The following LAMA2 variants were observed in gnomAD, a reference collection of about 807,000 sequenced individuals.
LAMA2 encodes the protein laminin subunit alpha-2.
A neutral mutation model predicts 364.8 loss-of-function variants in LAMA2; 269 were observed. The observed-to-expected ratio is 0.74, with a 90% CI of 0.67 to 0.82. LAMA2 has a LOEUF of 0.82. Ranked by LOEUF, LAMA2 falls within the 40% of genes least tolerant of loss-of-function variation. The pLI is 0.00. For missense variants in LAMA2, 3,807 were observed against 3,873.2 expected (o/e 0.98, Z 0.45); for synonymous variants, 1,379 against 1,370.6 (o/e 1.01, Z -0.14).
chr6:129,466,765 A>G (rs1783564908), intron 51 of LAMA2, among the ~76,000 whole-genome samples: 1 of 151,910 alleles, frequency 6.6e-6, no homozygotes, highest in African/African-American at 2.4e-5. Flanking sequence ...GCCTACACGA[A>G]TGAATGTTGG....
Position 129,512,616 on chromosome 6 carries a change from TA to T in LAMA2, c.8988+126del, listed in dbSNP as rs1786690449. The T allele has an allele frequency of 1.5e-5, 16 of 1,080,424 alleles. No individual in the cohort carries two copies. The South Asian group carries it at 2.0e-4, about 14-fold the overall frequency. 66.9% of individuals were successfully genotyped at this position (1,080,424 alleles called of 1,614,324 possible). On this transcript the variant is annotated intron_variant, in intron 63 of 64. Transcript: ENST00000421865. The stretch of plus-strand genomic sequence containing the variant: ...GCTGTATTCTTTGTTGGGAGAAAGC[TA>T]AATTGTATGTTTTCATCCTTCTGGA...
At chr6:129,251,986 T>G in intron 13 of LAMA2, 98 bp from the exon 14 acceptor site, 1 of 733,634 alleles carries the variant, frequency 1.4e-6, no homozygotes, top group South Asian at 1.6e-5. Context: ...AAGTTAAAAG[T>G]CTATTGAGGG....
At chr6:129,362,277 A>G (rs932897612) in intron 32 of LAMA2, among the ~76,000 whole-genome samples, 3 of 152,140 alleles carry the variant, frequency 2.0e-5, no homozygotes, top group Non-Finnish European at 4.4e-5. Flanking sequence ...TGCCTCTGCA[A>G]TCACAAGATA....
intron 14 of LAMA2, among the ~76,000 whole-genome samples, chr6:129,259,768 G>T (rs1046522451): frequency 6.6e-6 from 1 of 151,812 alleles, no homozygotes; most frequent in Non-Finnish European, 1.5e-5. Context: ...TATCTCCATT[G>T]TATAGAAGAA....
chr6:128,934,111 G>T (rs573511374), intron 1 of LAMA2, among the ~76,000 whole-genome samples: 15 of 152,124 alleles, frequency 9.9e-5, no homozygotes, highest in Non-Finnish European at 1.9e-4. Context: ...GTTGATTTTT[G>T]TATATGGAAT....
At position 129,445,665 on chromosome 6, in the gene LAMA2, A is replaced by T. The variant is rs1782331450; in HGVS notation, c.6275-2A>T. On this transcript the variant is annotated splice_acceptor_variant, in intron 44 of 64. Transcript: ENST00000421865. LOFTEE classifies it high-confidence loss of function. ...CATGCACACTAATTTTGTTCTATGC[A>T]GTTGCCGATGCAGATGCCACTGTCA... 1 of 1,613,716 alleles carries T rather than the reference A, an allele frequency of 6.2e-7. No homozygotes were observed. The highest frequency in any genetic ancestry group is 1.7e-5 in the Admixed American group (1 of 60,002).
chr6:129,159,452 C>G (rs948788913), intron 8 of LAMA2, among the ~76,000 whole-genome samples: 1 of 152,228 alleles, frequency 6.6e-6, no homozygotes, highest in African/African-American at 2.4e-5. Context: ...GTGATGGAGG[C>G]GCCCCGGCCG....
intron 34 of LAMA2, among the ~76,000 whole-genome samples, chr6:129,379,263 G>A (rs771664354): frequency 6.6e-6 from 1 of 151,972 alleles, no homozygotes; most frequent in Admixed American, 6.6e-5. Flanking sequence ...TAACTTATGG[G>A]CACTGGGCTT....
rs578091244 is a variant in LAMA2 at position 129,376,364 on chromosome 6, T to C, written c.4959+6374T>C. The stretch of plus-strand genomic sequence containing the variant: ...CCCACTCTCATCCAATCTCATATTG[T>C]GTAGTTTGGGATTACCACATTTGTT... On this transcript the variant is annotated intron_variant, in intron 34 of 64. Transcript: ENST00000421865. Among the ~76,000 whole-genome samples the C allele has an allele frequency of 1.1e-4, 17 of 152,350 alleles. 1 individual carries two copies. In the South Asian group the frequency reaches 2.5e-3, roughly 22 times the overall value.
chr6:128,940,229 A>G (rs1039058754), intron 1 of LAMA2, among the ~76,000 whole-genome samples: 3 of 152,068 alleles, frequency 2.0e-5, no homozygotes, highest in Non-Finnish European at 2.9e-5. Context: ...CTGCAAGTCA[A>G]ATATTACTTC....
chr6:129,053,327 AG>A (rs1174117979), intron 2 of LAMA2, among the ~76,000 whole-genome samples: 1 of 152,070 alleles, frequency 6.6e-6, no homozygotes, highest in Non-Finnish European at 1.5e-5. Flanking sequence ...GGCCTCCCAA[AG>A]TGCTGGGATT....
intron 1 of LAMA2, among the ~76,000 whole-genome samples, chr6:128,909,946 A>T (rs1282586205): frequency 2.0e-5 from 3 of 151,812 alleles, no homozygotes; most frequent in South Asian, 2.1e-4. Flanking sequence ...CTTTTCTTTA[A>T]GAATGTTGAA....
At chr6:129,369,396 G>C (rs958859665) in intron 33 of LAMA2, among the ~76,000 whole-genome samples, 4 of 152,098 alleles carry the variant, frequency 2.6e-5, no homozygotes, top group Non-Finnish European at 5.9e-5. Context: ...TAGCAACACC[G>C]AGGACAGGCC....
intron 58 of LAMA2, among the ~76,000 whole-genome samples, chr6:129,499,009 T>C (rs956372074): frequency 6.6e-6 from 1 of 152,210 alleles, no homozygotes; most frequent in African/African-American, 2.4e-5. Flanking sequence ...TTTGGGAGCA[T>C]GGCTTCCTCC....
At chr6:129,232,137 A>G (rs900029896) in intron 12 of LAMA2, among the ~76,000 whole-genome samples, 3 of 152,166 alleles carry the variant, frequency 2.0e-5, no homozygotes, top group Non-Finnish European at 4.4e-5. Flanking sequence ...GCAGAATATT[A>G]TCATCATACA....
intron 9 of LAMA2, among the ~76,000 whole-genome samples, chr6:129,173,767 C>T (rs763364400): frequency 1.3e-5 from 2 of 151,974 alleles, no homozygotes; most frequent in Non-Finnish European, 2.9e-5. Flanking sequence ...GTTTGCACTT[C>T]TTCATCAGAT....
intron 1 of LAMA2, among the ~76,000 whole-genome samples, chr6:129,023,913 T>C (rs1785621789): frequency 6.6e-6 from 1 of 152,212 alleles, no homozygotes; most frequent in Admixed American, 6.5e-5. Context: ...TTTCTGTTTG[T>C]CATTCAGTCC....
chr6:129,025,677 TAAATGGG>T (rs1473608769), intron 1 of LAMA2, among the ~76,000 whole-genome samples: 1 of 152,176 alleles, frequency 6.6e-6, no homozygotes, highest in Non-Finnish European at 1.5e-5. Flanking sequence ...TCATGCATTT[TAAATGGG>T]AAATGGGAAA....
At chr6:129,494,124 A>T (rs1023766609) in intron 58 of LAMA2, among the ~76,000 whole-genome samples, 1 of 152,168 alleles carries the variant, frequency 6.6e-6, no homozygotes, top group South Asian at 2.1e-4. Context: ...CAATACAACA[A>T]AGATGGTCAC....
Sources: allele counts gnomAD v4.1 joint callset (sites outside exome capture counted in the v4.1 genomes callset), GRCh38; gene constraint gnomAD v4.1.1; transcripts MANE v1.5; gene names NCBI Gene and HGNC (gene_info 2026-07-23, HGNC 2026-07-21).